Variants in TRPM3 observed in about 807,000 individuals in gnomAD.
TRPM3 encodes the protein transient receptor potential cation channel subfamily M member 3.
In TRPM3, 77 loss-of-function variants were observed where a neutral mutation model predicts 181.2. That is an observed-to-expected ratio of 0.42 (90% CI 0.35 to 0.51). TRPM3 has a LOEUF of 0.51. Ranked by LOEUF, TRPM3 falls within the 20% of genes least tolerant of loss-of-function variation. The probability of loss-of-function intolerance (pLI) is 0.01; values close to 1 mark genes in which losing one functional copy is unlikely to be tolerated. For missense variants in TRPM3, 1,759 were observed against 2,196.7 expected (o/e 0.80, Z 3.98); for synonymous variants, 745 against 796.4 (o/e 0.94, Z 1.09).
chr9:71,185,068 G>C (rs535790264), intron 1 of TRPM3, among the ~76,000 whole-genome samples: 1 of 152,262 alleles, frequency 6.6e-6, no homozygotes, highest in South Asian at 2.1e-4. Context: ...GATGAGCTAA[G>C]TGCATGCTCA....
intron 1 of TRPM3, among the ~76,000 whole-genome samples, chr9:71,193,677 C>A (rs567127472): frequency 2.3e-4 from 35 of 151,980 alleles, no homozygotes; most frequent in Middle Eastern, 3.4e-3. Context: ...CAAAATTGTC[C>A]TTTTTGTTCT....
chr9:70,920,259 A>G (rs1435041776), intron 1 of TRPM3, among the ~76,000 whole-genome samples: 4 of 152,160 alleles, frequency 2.6e-5, no homozygotes, highest in Non-Finnish European at 4.4e-5. Flanking sequence ...GAAGGCAACA[A>G]CTGTGCCCTG....
chr9:71,444,177 C>CAAAAAAAAAAAAAAAAAAAAATAAAA (rs34011806), intron 1 of TRPM3, among the ~76,000 whole-genome samples: 1 of 112,940 alleles, frequency 8.9e-6, no homozygotes. Context: ...GAATACATCT[C>CAAAAAAAAAAAAAAAAAAAAATAAAA]AAAAAAAAAA....
At chr9:70,660,395 GC>G (rs1166302998) in intron 9 of TRPM3, among the ~76,000 whole-genome samples, 3 of 152,064 alleles carry the variant, frequency 2.0e-5, no homozygotes, top group Non-Finnish European at 2.9e-5. Flanking sequence ...TGACCTAGAA[GC>G]CCCCTCTCTG....
intron 1 of TRPM3, among the ~76,000 whole-genome samples, chr9:71,399,526 GT>G (rs1166936123): frequency 0.038 from 2,412 of 62,678 alleles, 26 homozygotes; most frequent in South Asian, 0.11. Context: ...ATTTTCTTTT[GT>G]TTTTTTTTTT....
chr9:70,681,361 T>C lies in TRPM3; in HGVS notation c.1345+145A>G, dbSNP rs1295028404. On this transcript the variant is annotated intron_variant, in intron 9 of 25. Coordinates refer to ENST00000677713, the MANE Select transcript of TRPM3 (RefSeq NM_001366145.2). The stretch of plus-strand genomic sequence containing the variant: ...TCTAGGAGAATTTAATAGCAGTAAC[T>C]GTCTTACAGGAGAGACCCCTATGTT... 4.4e-5 allele frequency: 28 copies of C among 636,874 alleles called. No individual in the cohort carries two copies. The East Asian group carries it at 7.4e-4, about 17-fold the overall frequency. The allele number at this position is 636,874 out of a possible 1,614,324, so 39.5% of individuals were successfully genotyped here. A position where few individuals can be genotyped will look rare whatever the true frequency, so the allele number is the denominator to read the frequency against.
At chr9:70,612,383 T>TGAGA (rs1269249520) in intron 18 of TRPM3, among the ~76,000 whole-genome samples, 1 of 152,228 alleles carries the variant, frequency 6.6e-6, no homozygotes, top group Non-Finnish European at 1.5e-5. Flanking sequence ...AGCTTAAAGT[T>TGAGA]GAGAGAGCTC....
intron 1 of TRPM3, among the ~76,000 whole-genome samples, chr9:70,987,615 A>C (rs2097434456): frequency 6.6e-6 from 1 of 152,118 alleles, no homozygotes. Context: ...TGTGAAAACA[A>C]GTTCAAAGAG....
At chr9:71,420,834 A>AGGGAGAG (rs2093740519) in intron 1 of TRPM3, among the ~76,000 whole-genome samples, 2 of 134 alleles carry the variant, frequency 0.015, no homozygotes, top group Admixed American at 0.023. Context: ...AGAGGGAAAG[A>AGGGAGAG]AAGAGAGAGG....
chr9:71,179,536 A>C (rs998191156), intron 1 of TRPM3, among the ~76,000 whole-genome samples: 1 of 152,162 alleles, frequency 6.6e-6, no homozygotes, highest in Non-Finnish European at 1.5e-5. Flanking sequence ...TTGGCTGGTG[A>C]ATTTGGACAG....
intron 12 of TRPM3, among the ~76,000 whole-genome samples, chr9:70,631,914 C>A (rs189058973): frequency 2.6e-5 from 4 of 152,218 alleles, no homozygotes; most frequent in Non-Finnish European, 5.9e-5. Flanking sequence ...CAATGCATTC[C>A]TTTGGTTCTT....
intron 7 of TRPM3, among the ~76,000 whole-genome samples, chr9:70,765,752 G>A (rs187148204): frequency 2.6e-4 from 39 of 152,112 alleles, no homozygotes; most frequent in Admixed American, 3.9e-4. Context: ...TAGGATATAT[G>A]GAAGCCTGCT....
At chr9:71,245,520 A>G (rs143367639) in intron 1 of TRPM3, among the ~76,000 whole-genome samples, 33 of 152,276 alleles carry the variant, frequency 2.2e-4, no homozygotes, top group African/African-American at 7.5e-4. Context: ...TGAAGGAATG[A>G]ATGCTCTTGA....
intron 8 of TRPM3, among the ~76,000 whole-genome samples, chr9:70,757,076 A>G (rs1447319004): frequency 1.3e-5 from 2 of 152,186 alleles, no homozygotes; most frequent in African/African-American, 4.8e-5. Flanking sequence ...GATCAACAAA[A>G]TAGACTGCTA....
chr9:70,882,136 A>T (rs1272710761), intron 1 of TRPM3, among the ~76,000 whole-genome samples: 1 of 152,208 alleles, frequency 6.6e-6, no homozygotes, highest in Non-Finnish European at 1.5e-5. Context: ...TTATTATTTC[A>T]TAAATCCTTG....
At chr9:70,985,043 C>T (rs1465479669) in intron 1 of TRPM3, among the ~76,000 whole-genome samples, 1 of 151,918 alleles carries the variant, frequency 6.6e-6, no homozygotes, top group Admixed American at 6.6e-5. Flanking sequence ...ATATGGAGTA[C>T]CAAAGAAACA....
At position 70,532,817 on chromosome 9, in the gene TRPM3, C is replaced by G. The variant is rs2041071128; in HGVS notation, c.*3136G>C. The G allele has an allele frequency of 6.6e-6, 1 of 152,100 alleles. No individual in the cohort carries two copies. The highest frequency in any genetic ancestry group is 1.5e-5 in the Non-Finnish European group (1 of 68,026). 9.4% of individuals were successfully genotyped at this position (152,100 alleles called of 1,614,324 possible). A position where few individuals can be genotyped will look rare whatever the true frequency, so the allele number is the denominator to read the frequency against. On this transcript the variant is annotated 3_prime_UTR_variant, in exon 26 of 26. Transcript: ENST00000677713. ...TCATAAACTGCTTAATTCACAAAGA[C>G]AGGTAATTAACGTCCCCTCGATCAG...
chr9:70,558,331 G>T (rs922571067), intron 22 of TRPM3, among the ~76,000 whole-genome samples: 1 of 152,074 alleles, frequency 6.6e-6, no homozygotes, highest in Non-Finnish European at 1.5e-5. Flanking sequence ...AATTAGTCTT[G>T]ACTGATACAA....
intron 1 of TRPM3, among the ~76,000 whole-genome samples, chr9:70,875,917 T>C (rs774771073): frequency 2.6e-5 from 4 of 151,920 alleles, no homozygotes; most frequent in South Asian, 2.1e-4. Flanking sequence ...GCAGCATAAA[T>C]ATATTTCTGG....
Sources: gnomAD v4.1 joint callset for allele counts (sites outside exome capture counted in the v4.1 genomes callset) on GRCh38, gnomAD v4.1.1 for gene constraint, MANE v1.5 for transcripts, NCBI Gene and HGNC (gene_info 2026-07-23, HGNC 2026-07-21) for gene names.